VPS13B: variants seen among roughly 807,000 people sequenced by gnomAD.
VPS13B encodes the protein vacuolar protein sorting 13 homolog B, also known as intermembrane lipid transfer protein VPS13B.
In VPS13B, 285 loss-of-function variants were observed where a neutral mutation model predicts 426.4. That is an observed-to-expected ratio of 0.67 (90% confidence interval 0.61 to 0.74). VPS13B has a LOEUF of 0.74. Ranked by LOEUF, VPS13B falls within the 30% of genes least tolerant of loss-of-function variation. VPS13B has a pLI of 0.00. For synonymous variants in VPS13B, 1,676 were observed against 1,676.4 expected, an observed-to-expected ratio of 1.00 and a Z score of 0.01; for missense variants, 4,537 against 4,782.6, an observed-to-expected ratio of 0.95 and a Z score of 1.51.
In VPS13B at chr8:99,175,971, G is replaced by T. The variant is rs1588114797; in HGVS notation, c.2333+5808G>T. ...TTTGTTGCTACTGCGGTGAGCTTTT[G>T]TGTTGTATCTGCTTAAAATGCTGTG... On this transcript the variant is annotated intron_variant, in intron 16 of 61. Coordinates refer to ENST00000357162, the MANE Select transcript of VPS13B (RefSeq NM_152564.5). Among the ~76,000 whole-genome samples the T allele has an allele frequency of 2.6e-5, 4 of 152,248 alleles. No homozygotes were observed. The East Asian group carries it at 7.7e-4, about 29-fold the overall frequency.
At chr8:99,629,278 A>C (rs1828741658) in intron 33 of VPS13B, among the ~76,000 whole-genome samples, 1 of 152,228 alleles carries the variant, frequency 6.6e-6, no homozygotes, top group African/African-American at 2.4e-5. Flanking sequence ...AATATCAGGG[A>C]ATCAACTAAT....
chr8:99,311,739 C>T lies in VPS13B; in HGVS notation c.2824+36485C>T, dbSNP rs181361575. On this transcript the variant is annotated intron_variant, in intron 19 of 61. Coordinates refer to ENST00000357162, the MANE Select transcript of VPS13B (RefSeq NM_152564.5). ...CTGGATATCCTTGTTAACTTTCTGT[C>T]TCATTGATCTGTCTAATGTTGATAG... Among the ~76,000 whole-genome samples, 952 of 152,242 alleles carry T rather than the reference C, an allele frequency of 6.3e-3. 8 individuals carry two copies. Among genetic ancestry groups the T allele is most frequent in the African/African-American group, 0.021 (893 of 41,552 alleles).
intron 16 of VPS13B, among the ~76,000 whole-genome samples, chr8:99,186,504 T>C (rs1813228788): frequency 6.6e-6 from 1 of 152,072 alleles, no homozygotes; most frequent in Admixed American, 6.6e-5. Context: ...TCTACATTTG[T>C]TAACCAGTTA....
chr8:99,606,493 A>G (rs1212998330), intron 33 of VPS13B, among the ~76,000 whole-genome samples: 1 of 134,468 alleles, frequency 7.4e-6, no homozygotes. Flanking sequence ...AGCAAGACTC[A>G]GTTTCAAAAA....
intron 3 of VPS13B, among the ~76,000 whole-genome samples, chr8:99,068,261 T>C (rs1162926745): frequency 6.6e-6 from 1 of 152,234 alleles, no homozygotes; most frequent in Non-Finnish European, 1.5e-5. Context: ...TTTTCTTCCC[T>C]AGCTGTTTTA....
chr8:99,357,908 A>C (rs1269074026), intron 19 of VPS13B, among the ~76,000 whole-genome samples: 1 of 152,070 alleles, frequency 6.6e-6, no homozygotes, highest in Non-Finnish European at 1.5e-5. Context: ...GATAGACTGT[A>C]CTGCTTATGT....
chr8:99,404,530 G>C (rs1481474302), intron 21 of VPS13B, among the ~76,000 whole-genome samples: 1 of 152,144 alleles, frequency 6.6e-6, no homozygotes, highest in Non-Finnish European at 1.5e-5. Context: ...GGTTTATTTT[G>C]ATGAAAAGTC....
At chr8:99,580,606 C>T (rs1826001901) in intron 33 of VPS13B, among the ~76,000 whole-genome samples, 1 of 151,974 alleles carries the variant, frequency 6.6e-6, no homozygotes, top group Non-Finnish European at 1.5e-5. Context: ...AAGTCCAACA[C>T]TGGGAGGCTG....
intron 7 of VPS13B, among the ~76,000 whole-genome samples, chr8:99,118,169 G>A (rs1032813346): frequency 2.6e-5 from 4 of 152,174 alleles, no homozygotes; most frequent in Non-Finnish European, 5.9e-5. Context: ...TGGAAAAGCT[G>A]TAAGAGTTAT....
intron 54 of VPS13B, among the ~76,000 whole-genome samples, chr8:99,839,654 C>G (rs541538063): frequency 1.3e-5 from 2 of 152,210 alleles, no homozygotes; most frequent in African/African-American, 4.8e-5. Flanking sequence ...GCTCAAGCCA[C>G]TGTCTGTCCT....
chr8:99,259,398 G>C (rs777374831), intron 17 of VPS13B, among the ~76,000 whole-genome samples: 5 of 152,072 alleles, frequency 3.3e-5, no homozygotes, highest in Non-Finnish European at 7.4e-5. Flanking sequence ...GATGCTTTGT[G>C]TGGGTTCCCC....
intron 36 of VPS13B, among the ~76,000 whole-genome samples, chr8:99,711,866 A>C (rs540319588): frequency 3.8e-4 from 58 of 152,326 alleles, no homozygotes; most frequent in Non-Finnish European, 7.2e-4. Context: ...TTGGTTGAAT[A>C]ATGGATACAT....
intron 25 of VPS13B, among the ~76,000 whole-genome samples, chr8:99,491,811 C>G (rs969541010): frequency 6.6e-6 from 1 of 152,168 alleles, no homozygotes; most frequent in Admixed American, 6.5e-5. Flanking sequence ...TTCGAACATG[C>G]TCGTTTTGCT....
chr8:99,490,616 T>C (rs556211538), intron 25 of VPS13B, among the ~76,000 whole-genome samples: 7 of 152,376 alleles, frequency 4.6e-5, no homozygotes. Context: ...GACTTCTTCC[T>C]GGTTTAGTCT....
At chr8:99,378,582 ATT>A (rs1393244914) in intron 19 of VPS13B, among the ~76,000 whole-genome samples, 2 of 152,178 alleles carry the variant, frequency 1.3e-5, no homozygotes, top group African/African-American at 4.8e-5. Flanking sequence ...TTATAAAAGT[ATT>A]AATTTGGAGA....
intron 5 of VPS13B, among the ~76,000 whole-genome samples, chr8:99,109,138 A>G (rs1281772799): frequency 2.6e-5 from 4 of 152,000 alleles, no homozygotes; most frequent in Non-Finnish European, 1.5e-5. Context: ...ATTTCTATAT[A>G]TTGGTGTATA....
intron 12 of VPS13B, among the ~76,000 whole-genome samples, chr8:99,140,268 G>C (rs1216390202): frequency 6.6e-6 from 1 of 151,400 alleles, no homozygotes; most frequent in Non-Finnish European, 1.5e-5. Flanking sequence ...GGGAGGCTGA[G>C]GCAGGAGAAT....
At chr8:99,860,876 CCT>C (rs1334623366) in intron 57 of VPS13B, among the ~76,000 whole-genome samples, 1 of 152,184 alleles carries the variant, frequency 6.6e-6, no homozygotes, top group East Asian at 1.9e-4. Context: ...CCTTTATTCC[CCT>C]CACTGGTTTT....
chr8:99,768,368 C>A (rs1811330236), intron 40 of VPS13B, among the ~76,000 whole-genome samples: 1 of 152,132 alleles, frequency 6.6e-6, no homozygotes, highest in Non-Finnish European at 1.5e-5. Flanking sequence ...TTCTTTTTGC[C>A]CATATGTGTA....
Sources: gnomAD v4.1 joint callset for allele counts (sites outside exome capture counted in the v4.1 genomes callset) on GRCh38, gnomAD v4.1.1 for gene constraint, MANE v1.5 for transcripts, NCBI Gene and HGNC (gene_info 2026-07-23, HGNC 2026-07-21) for gene names.